ZNF385D: variants seen among roughly 807,000 people sequenced by gnomAD.
ZNF385D encodes the protein zinc finger protein 659.
In ZNF385D, 15 loss-of-function variants were observed where a neutral mutation model predicts 35.8. The observed-to-expected ratio is 0.42, with a 90% CI of 0.28 to 0.64. The LOEUF (loss-of-function observed/expected upper bound fraction) is 0.64. Ranked by LOEUF, ZNF385D falls within the 30% of genes least tolerant of loss-of-function variation. ZNF385D has a pLI of 0.23. For synonymous variants in ZNF385D, 212 were observed against 186.8 expected (o/e 1.13, Z -1.10); for missense variants, 474 against 494.6 (o/e 0.96, Z 0.39).
intron 3 of ZNF385D, among the ~76,000 whole-genome samples, chr3:21,932,693 T>C (rs1183893309): frequency 2.6e-5 from 4 of 151,818 alleles, no homozygotes; most frequent in African/African-American, 4.8e-5. Context: ...CCATCTCACT[T>C]TACTTCTTGA....
At chr3:22,148,128 C>A (rs1387424826) in intron 3 of ZNF385D, among the ~76,000 whole-genome samples, 1 of 151,908 alleles carries the variant, frequency 6.6e-6, no homozygotes, top group African/African-American at 2.4e-5. Context: ...ATATAACAAC[C>A]CTCATATAGA....
intron 3 of ZNF385D, among the ~76,000 whole-genome samples, chr3:21,787,813 T>TA (rs1469423564): frequency 6.6e-5 from 10 of 151,452 alleles, no homozygotes; most frequent in Non-Finnish European, 1.2e-4. Context: ...CGTACTTTTT[T>TA]AAAAAAAGAG....
chr3:21,678,325 C>G (rs2066791952), intron 1 of ZNF385D, among the ~76,000 whole-genome samples: 1 of 152,078 alleles, frequency 6.6e-6, no homozygotes, highest in South Asian at 2.1e-4. Context: ...GACTTTCATT[C>G]CTGGACATTC....
At chr3:22,263,392 T>C (rs2125348459) in intron 2 of ZNF385D, among the ~76,000 whole-genome samples, 1 of 152,058 alleles carries the variant, frequency 6.6e-6, no homozygotes, top group Admixed American at 6.6e-5. Flanking sequence ...ATCTTTCAAC[T>C]TTTTTTTCCT....
chr3:21,592,466 C>G (rs1053224002), intron 2 of ZNF385D, among the ~76,000 whole-genome samples: 1 of 148,784 alleles, frequency 6.7e-6, no homozygotes, highest in Non-Finnish European at 1.5e-5. Flanking sequence ...GAATTACCCT[C>G]TTCTAATTGT....
At chr3:22,328,377 G>A (rs149644228) in intron 2 of ZNF385D, among the ~76,000 whole-genome samples, 258 of 152,086 alleles carry the variant, frequency 1.7e-3, no homozygotes, top group African/African-American at 5.9e-3. Context: ...TAATGATTCA[G>A]TATTTCTATA....
intron 1 of ZNF385D, among the ~76,000 whole-genome samples, chr3:21,669,044 A>G (rs116402613): frequency 1.7e-4 from 26 of 152,340 alleles, no homozygotes; most frequent in Middle Eastern, 3.4e-3. Flanking sequence ...AATATTCTTA[A>G]TTGAAGCAGG....
At chr3:22,069,758 A>C (rs1321452493) in intron 3 of ZNF385D, among the ~76,000 whole-genome samples, 1 of 152,172 alleles carries the variant, frequency 6.6e-6, no homozygotes, top group Non-Finnish European at 1.5e-5. Flanking sequence ...TGATAAGTCA[A>C]CTGGGACTCC....
chr3:21,974,771 G>A (rs890065856), intron 3 of ZNF385D, among the ~76,000 whole-genome samples: 6 of 152,006 alleles, frequency 3.9e-5, no homozygotes, highest in African/African-American at 9.7e-5. Flanking sequence ...CTAAGTAGAC[G>A]TTTCTCAAAA....
intron 2 of ZNF385D, among the ~76,000 whole-genome samples, chr3:22,334,794 G>A (rs1024401491): frequency 9.9e-5 from 15 of 152,050 alleles, no homozygotes; most frequent in African/African-American, 1.4e-4. Flanking sequence ...GCTTTTCTTC[G>A]TAATTTCTGG....
rs541431943 is a variant in ZNF385D, at chr3:22,026,778, G to C, written c.325+142039C>G. On this transcript the variant is annotated intron_variant, in intron 3 of 5. Coordinates refer to the ZNF385D transcript ENST00000494108. ...AATCAAAAACAATATTGCATCCCTG[G>C]AGGGATTGAGAACATTAGTGCCACC... is the stretch of plus-strand genomic sequence containing the variant. Among the ~76,000 whole-genome samples the C allele has an allele frequency of 4.6e-5, 7 of 152,282 alleles. No homozygotes were observed. In the East Asian group the frequency reaches 1.4e-3, roughly 29 times the overall value.
At chr3:21,976,719 C>T (rs1703646600) in intron 3 of ZNF385D, among the ~76,000 whole-genome samples, 1 of 152,124 alleles carries the variant, frequency 6.6e-6, no homozygotes, top group South Asian at 2.1e-4. Context: ...ACCAGCTGGG[C>T]AGGTGTCTCA....
chr3:21,757,144 T>TTTA (rs1388691356), intron 3 of ZNF385D, among the ~76,000 whole-genome samples: 1 of 136,612 alleles, frequency 7.3e-6, no homozygotes, highest in Non-Finnish European at 1.7e-5. Context: ...TTTTTTGTTT[T>TTTA]CTTGAGATGG....
intron 2 of ZNF385D, among the ~76,000 whole-genome samples, chr3:21,652,466 T>C (rs2065945158): frequency 6.6e-6 from 1 of 152,154 alleles, no homozygotes. Context: ...AGTATTAATA[T>C]ATTTTTTTAA....
chr3:21,915,068 AGAAAAAAAAAAGAGTTGGATTTT>A, intron 3 of ZNF385D, among the ~76,000 whole-genome samples: 1 of 21,706 alleles, frequency 4.6e-5, no homozygotes, highest in East Asian at 0.023. Context: ...GAGTAGAAAT[AGAAAAAAAAAAGAGTTGGATTTT>A]TTTAACACCT....
chr3:21,531,520 G>A (rs889760050), intron 3 of ZNF385D, among the ~76,000 whole-genome samples: 2 of 152,104 alleles, frequency 1.3e-5, no homozygotes, highest in African/African-American at 2.4e-5. Context: ...TTGTCCTTCA[G>A]TATTTGAATA....
chr3:22,341,201 T>G (rs1340912276), intron 2 of ZNF385D, among the ~76,000 whole-genome samples: 1 of 152,178 alleles, frequency 6.6e-6, no homozygotes, highest in Non-Finnish European at 1.5e-5. Flanking sequence ...ATTACCAATC[T>G]CTCTTCAAAC....
chr3:21,794,903 T>A (rs1330431958), intron 3 of ZNF385D, among the ~76,000 whole-genome samples: 1 of 152,184 alleles, frequency 6.6e-6, no homozygotes. Context: ...TATCATACAA[T>A]GCTATTATGA....
At chr3:22,021,831 C>T (rs746671444) in intron 3 of ZNF385D, among the ~76,000 whole-genome samples, 7 of 151,912 alleles carry the variant, frequency 4.6e-5, no homozygotes, top group Non-Finnish European at 2.9e-5. Context: ...ATGCTTTGTC[C>T]CACTCCCTGG....
Sources: gnomAD v4.1 joint callset for allele counts (sites outside exome capture counted in the v4.1 genomes callset) on GRCh38, gnomAD v4.1.1 for gene constraint, MANE v1.5 for transcripts, NCBI Gene and HGNC (gene_info 2026-07-23, HGNC 2026-07-21) for gene names.